SUSD6: variants seen among roughly 807,000 people sequenced by gnomAD.
The protein encoded by SUSD6 is sushi domain containing 6, also known as sushi domain-containing protein 6.
A neutral mutation model predicts 28.4 loss-of-function variants in SUSD6; 16 were observed. The observed-to-expected ratio is 0.56, with a 90% CI of 0.38 to 0.86. SUSD6 has a LOEUF of 0.86. Among genes scored for constraint, SUSD6 ranks in the 40% least tolerant of loss-of-function variants. SUSD6 has a pLI of 0.00. For missense variants in SUSD6, 341 were observed against 384.2 expected, an observed-to-expected ratio of 0.89 and a Z score of 0.94; for synonymous variants, 147 against 159.6, an observed-to-expected ratio of 0.92 and a Z score of 0.59.
At chr14:69,690,530 C>G (rs764516868) in intron 2 of SUSD6, among the ~76,000 whole-genome samples, 1 of 152,070 alleles carries the variant, frequency 6.6e-6, no homozygotes, top group Admixed American at 6.5e-5. Context: ...CTTCCAGGAG[C>G]ACGGTATGCT....
chr14:69,625,862 G>A (rs968234919), intron 1 of SUSD6, among the ~76,000 whole-genome samples: 4 of 152,148 alleles, frequency 2.6e-5, no homozygotes, highest in African/African-American at 9.7e-5. Flanking sequence ...AGTCCTCACT[G>A]ACAGCCACAC....
At chr14:69,625,640 G>A (rs1316075248) in intron 1 of SUSD6, among the ~76,000 whole-genome samples, 2 of 152,210 alleles carry the variant, frequency 1.3e-5, no homozygotes, top group Non-Finnish European at 2.9e-5. Context: ...AGTGAGAGAA[G>A]CCAGCTTAGA....
intron 1 of SUSD6, among the ~76,000 whole-genome samples, chr14:69,620,516 A>G (rs1034644777): frequency 6.6e-5 from 10 of 152,246 alleles, no homozygotes. Context: ...TACTGCGGGA[A>G]TACTCACGAG....
At position 69,713,931 on chromosome 14, in the gene SUSD6, C is replaced by T. The variant is rs1475488282; in HGVS notation, c.*2952C>T. 6.6e-6 allele frequency: 1 copy of T among 150,472 alleles called. No homozygotes were observed. Among genetic ancestry groups the T allele is most frequent in the Non-Finnish European group, 1.5e-5 (1 of 67,844 alleles). 9.3% of individuals were successfully genotyped at this position (150,472 alleles called of 1,614,324 possible). ...TCACATTCTAATGACTTTCAAGGGC[C>T]AGAATATGGTGAAAATCACTTAAAA... On this transcript the variant is annotated 3_prime_UTR_variant, in exon 6 of 6. Transcript: ENST00000342745.
chr14:69,663,966 T>C (rs1195616950), intron 2 of SUSD6, among the ~76,000 whole-genome samples: 1 of 151,482 alleles, frequency 6.6e-6, no homozygotes, highest in Non-Finnish European at 1.5e-5. Context: ...TGTTTCCCAC[T>C]ATGGTTGTTT....
intron 1 of SUSD6, among the ~76,000 whole-genome samples, chr14:69,657,809 C>G (rs1885605689): frequency 1.3e-5 from 2 of 152,190 alleles, no homozygotes; most frequent in African/African-American, 2.4e-5. Flanking sequence ...CTCTCTGTCT[C>G]TCTACTGGTT....
intron 2 of SUSD6, among the ~76,000 whole-genome samples, chr14:69,668,898 G>A (rs1595048952): frequency 6.6e-6 from 1 of 151,536 alleles, no homozygotes; most frequent in East Asian, 1.9e-4. Context: ...TGATGTGCCT[G>A]TTCCCTCTTT....
intron 1 of SUSD6, among the ~76,000 whole-genome samples, chr14:69,613,025 C>A (rs1215902721): frequency 2.6e-5 from 4 of 152,116 alleles, no homozygotes; most frequent in Non-Finnish European, 5.9e-5. Flanking sequence ...CTTCTGAGTT[C>A]TCTGGGTTTT....
chr14:69,711,324 G>A lies in SUSD6; in HGVS notation c.*345G>A. The A allele has an allele frequency of 2.7e-6, 1 of 373,570 alleles. No homozygotes were observed. The highest frequency in any genetic ancestry group is 5.0e-6 in the Non-Finnish European group (1 of 200,884). The allele number at this position is 373,570 out of a possible 1,614,324, so 23.1% of individuals were successfully genotyped here. ...GGCGGCAGCCCCCACCAGCTCCTGTGGGCCTGAGTGCTGCTGTGTTTACTT... is the reference window on the plus strand; with the variant it reads ...GGCGGCAGCCCCCACCAGCTCCTGTAGGCCTGAGTGCTGCTGTGTTTACTT... On this transcript the variant is annotated 3_prime_UTR_variant, in exon 6 of 6. Transcript: ENST00000342745.
intron 1 of SUSD6, among the ~76,000 whole-genome samples, chr14:69,638,747 C>G (rs1885302682): frequency 6.6e-6 from 1 of 152,144 alleles, no homozygotes; most frequent in Non-Finnish European, 1.5e-5. Flanking sequence ...CTGTGTCCTT[C>G]CTATTCCACC....
At chr14:69,636,501 CTCTT>C (rs1885268128) in intron 1 of SUSD6, among the ~76,000 whole-genome samples, 1 of 152,234 alleles carries the variant, frequency 6.6e-6, no homozygotes, top group South Asian at 2.1e-4. Context: ...GACTCGCCTC[CTCTT>C]TCTGTGTTGG....
chr14:69,689,966 T>A (rs541961863), intron 2 of SUSD6, among the ~76,000 whole-genome samples: 4 of 152,268 alleles, frequency 2.6e-5, no homozygotes, highest in Admixed American at 1.3e-4. Flanking sequence ...ATGCCCGTGT[T>A]TTTTTACTCT....
At chr14:69,624,952 A>C (rs529214406) in intron 1 of SUSD6, among the ~76,000 whole-genome samples, 6 of 152,354 alleles carry the variant, frequency 3.9e-5, no homozygotes, top group Non-Finnish European at 8.8e-5. Flanking sequence ...TATAACTTGA[A>C]TAATTTATTA....
chr14:69,661,675 G>A (rs988922503), intron 2 of SUSD6, among the ~76,000 whole-genome samples: 2 of 152,144 alleles, frequency 1.3e-5, no homozygotes, highest in African/African-American at 4.8e-5. Context: ...CACCTGTATG[G>A]CCGTGCCTGG....
intron 1 of SUSD6, among the ~76,000 whole-genome samples, chr14:69,614,866 A>T (rs188074950): frequency 6.6e-6 from 1 of 152,340 alleles, no homozygotes; most frequent in Admixed American, 6.5e-5. Context: ...GACAATTCAC[A>T]CTTGCAGGCC....
At chr14:69,642,246 T>G (rs182644860) in intron 1 of SUSD6, among the ~76,000 whole-genome samples, 31 of 152,344 alleles carry the variant, frequency 2.0e-4, no homozygotes, top group African/African-American at 7.2e-4. Context: ...TGGCTTACTT[T>G]TAAGCTTTGT....
intron 1 of SUSD6, among the ~76,000 whole-genome samples, chr14:69,643,745 A>G (rs1885386265): frequency 6.6e-6 from 1 of 152,180 alleles, no homozygotes; most frequent in South Asian, 2.1e-4. Context: ...CAGATACTAT[A>G]TTCAATTTCA....
intron 2 of SUSD6, among the ~76,000 whole-genome samples, chr14:69,682,650 A>G (rs548356553): frequency 6.6e-6 from 1 of 152,362 alleles, no homozygotes; most frequent in South Asian, 2.1e-4. Context: ...CTATAATAAG[A>G]TTACATTTTC....
intron 2 of SUSD6, among the ~76,000 whole-genome samples, chr14:69,689,488 T>C (rs1022213625): frequency 4.6e-5 from 7 of 152,188 alleles, no homozygotes; most frequent in Admixed American, 2.6e-4. Flanking sequence ...GGGCTCCTTA[T>C]CTGTATTCCC....
Sources: gnomAD v4.1 joint callset for allele counts (sites outside exome capture counted in the v4.1 genomes callset) on GRCh38, gnomAD v4.1.1 for gene constraint, MANE v1.5 for transcripts, NCBI Gene and HGNC (gene_info 2026-07-23, HGNC 2026-07-21) for gene names.